The following CCT4 variants were observed in gnomAD, a reference collection of about 807,000 sequenced individuals.
The protein encoded by CCT4 is chaperonin containing TCP1 subunit 4.
A neutral mutation model predicts 62.5 loss-of-function variants in CCT4; 17 were observed. That is an observed-to-expected ratio of 0.27 (90% CI 0.19 to 0.41). The LOEUF (loss-of-function observed/expected upper bound fraction) is 0.41, where lower values mean the gene tolerates loss of function less well. CCT4 is among the 10% of genes least tolerant of loss of function. The pLI, the probability that CCT4 is intolerant of heterozygous loss-of-function variation, is 1.00. For synonymous variants in CCT4, 250 were observed against 229.9 expected (o/e 1.09, Z -0.79); for missense variants, 592 against 659.2 (o/e 0.90, Z 1.12).
intron 7 of CCT4, 86 bp downstream of exon 7, chr2:61,876,834 G>A: frequency 9.0e-7 from 1 of 1,117,040 alleles, no homozygotes; most frequent in Non-Finnish European, 1.3e-6. Context: ...TAAATCACTA[G>A]TAGTATTTTC....
In CCT4 at chr2:61,868,607, C is replaced by T. The variant is rs1668822268; in HGVS notation, c.*85G>A. The T allele has an allele frequency of 9.6e-7, 1 of 1,046,418 alleles. No homozygotes were observed. Among genetic ancestry groups the T allele is most frequent in the Non-Finnish European group, 1.5e-6 (1 of 676,750 alleles). The allele number at this position is 1,046,418 out of a possible 1,614,324, so 64.8% of individuals were successfully genotyped here. A position where few individuals can be genotyped will look rare whatever the true frequency, so the allele number is the denominator to read the frequency against. On this transcript the variant is annotated 3_prime_UTR_variant, in exon 14 of 14. Transcript: ENST00000394440. ...AGCCCAGAAATTCAGAGGAAATAAT[C>T]TTCCAAACAAGGAACACCAAGGTGA... is the stretch of plus-strand genomic sequence containing the variant.
chr2:61,879,568 G>A (rs923649865), intron 4 of CCT4, among the ~76,000 whole-genome samples: 8 of 150,452 alleles, frequency 5.3e-5, no homozygotes, highest in East Asian at 2.0e-4. Flanking sequence ...ATGAGTCACC[G>A]CACCTGGCCG....
At chr2:61,869,413 G>A (rs764803209) in intron 13 of CCT4, 27 bp downstream of exon 13, 2 of 1,341,874 alleles carry the variant, frequency 1.5e-6, no homozygotes, top group Non-Finnish European at 2.1e-6. Context: ...GACCTCCTAA[G>A]AAAATTTGCA....
Position 61,872,581 on chromosome 2 carries a change from C to A in CCT4, c.1133G>T (p.Gly378Val). The A allele has an allele frequency of 5.0e-6, 8 of 1,613,116 alleles. No homozygotes were observed. The highest frequency in any genetic ancestry group is 6.8e-6 in the Non-Finnish European group (8 of 1,179,788). The part of the protein sequence containing the change: ...NGSGKLLKIT[G>V]CASPGKTVTI... ...AACTGTTTTTCCAGGGCTGGCACAGCCTGTAATCTTCAGTAAACAAATTCC... is the reference window on the plus strand; with the variant it reads ...AACTGTTTTTCCAGGGCTGGCACAGACTGTAATCTTCAGTAAACAAATTCC... The change falls in exon 11 of 14, where the codon GGC becomes GTC. Residue 378 changes from glycine (G) to valine (V), a missense_variant. Transcript: ENST00000394440.
At chr2:61,873,704 T>G (rs960628918) in intron 8 of CCT4, among the ~76,000 whole-genome samples, 1 of 152,158 alleles carries the variant, frequency 6.6e-6, no homozygotes, top group African/African-American at 2.4e-5. Context: ...TGGCTGAGAC[T>G]ACACGCTCCC....
Position 61,876,864 on chromosome 2 carries a change from C to T in CCT4, c.777+56G>A, listed in dbSNP as rs1264501600. The stretch of plus-strand genomic sequence containing the variant: ...ATTTTCTATTTTTAATAAAGAAATG[C>T]CTGAGTTATTAAAAAGTTAAACACA... On this transcript the variant is annotated intron_variant, in intron 7 of 13. Coordinates refer to ENST00000394440, the MANE Select transcript of CCT4 (RefSeq NM_006430.4). The T allele has an allele frequency of 2.8e-6, 4 of 1,414,442 alleles. No individual in the cohort carries two copies. In the Admixed American group the frequency reaches 6.6e-5, roughly 23 times the overall value. The allele number at this position is 1,414,442 out of a possible 1,614,324, so 87.6% of individuals were successfully genotyped here. A position where few individuals can be genotyped will look rare whatever the true frequency, so the allele number is the denominator to read the frequency against.
chr2:61,887,448 G>A (rs772461401), intron 1 of CCT4, among the ~76,000 whole-genome samples: 4 of 152,134 alleles, frequency 2.6e-5, no homozygotes, highest in Non-Finnish European at 5.9e-5. Flanking sequence ...CAGGACACCA[G>A]GCCTTTAACA....
At chr2:61,877,148 AT>A (rs1266280487) in intron 6 of CCT4, 96 bp from the exon 7 acceptor site, 2 of 1,151,864 alleles carry the variant, frequency 1.7e-6, no homozygotes, top group Non-Finnish European at 2.5e-6. Flanking sequence ...GTCCAATAAA[AT>A]ATGATTCAGC....
At chr2:61,886,626 C>T (rs1232918882) in intron 1 of CCT4, among the ~76,000 whole-genome samples, 1 of 152,182 alleles carries the variant, frequency 6.6e-6, no homozygotes. Context: ...ACTTAGGTGG[C>T]CTTTCCTTCC....
rs1216181852 is a variant in CCT4, at chr2:61,883,773, G to GACAGACACACAC, written c.181-226_181-225insGTGTGTGTCTGT. On this transcript the variant is annotated intron_variant, in intron 2 of 13. Coordinates refer to ENST00000394440, the MANE Select transcript of CCT4 (RefSeq NM_006430.4). ...GGTAATCTAAAAGTGAAGAAATGTA[G>GACAGACACACAC]ACACACACACACACACACACACACA... Among the ~76,000 whole-genome samples the GACAGACACACAC allele has an allele frequency of 1.3e-3, 188 of 143,924 alleles. 1 individual carries two copies. Among genetic ancestry groups the GACAGACACACAC allele is most frequent in the East Asian group, 8.0e-3 (38 of 4,746 alleles). 94.4% of individuals were successfully genotyped at this position (143,924 alleles called of 152,430 possible).
chr2:61,871,544 C>T (rs1269387268), intron 12 of CCT4, among the ~76,000 whole-genome samples: 3 of 152,180 alleles, frequency 2.0e-5, no homozygotes, highest in Admixed American at 6.5e-5. Flanking sequence ...CATCATTTGG[C>T]GTTCTGTACC....
At chr2:61,869,353 A>G (rs1181531453) in intron 13 of CCT4, 87 bp downstream of exon 13, 1 of 765,226 alleles carries the variant, frequency 1.3e-6, no homozygotes, top group Non-Finnish European at 2.3e-6. Flanking sequence ...CCAACCAACC[A>G]ACCAAACAAC....
Position 61,878,864 on chromosome 2 carries a change from C to A in CCT4, c.522+5G>T. ...TTGACAAGTATCCGTTAGTGTTTGT[C>A]TCACCTTTGAGTTCAGTGAAGTGGT... On this transcript the variant is annotated splice_donor_5th_base_variant and intron_variant, in intron 5 of 13. Coordinates refer to ENST00000394440, the MANE Select transcript of CCT4 (RefSeq NM_006430.4). 3.1e-6 allele frequency: 5 copies of A among 1,600,630 alleles called. No individual in the cohort carries two copies. Among genetic ancestry groups the A allele is most frequent in the Non-Finnish European group, 3.4e-6 (4 of 1,173,002 alleles).
chr2:61,881,089 T>C, intron 3 of CCT4, among the ~76,000 whole-genome samples: 1 of 152,128 alleles, frequency 6.6e-6, no homozygotes, highest in Non-Finnish European at 1.5e-5. Context: ...AAGTATAACC[T>C]GATTCATTAA....
At position 61,877,415 on chromosome 2, in the gene CCT4, T is replaced by C. The variant is rs1669024677; in HGVS notation, c.622A>G (p.Ile208Val). The C allele has an allele frequency of 6.5e-7, 1 of 1,540,508 alleles. No individual in the cohort carries two copies. The highest frequency in any genetic ancestry group is 2.4e-5 in the East Asian group (1 of 42,174). The change falls in exon 6 of 14, where the codon ATT (isoleucine) becomes GTT (valine). Residue 208 changes from isoleucine (I) to valine (V), a missense_variant. This residue lies in a region of CCT4 where 522 missense variants were observed against 571.2 expected (regional missense o/e 0.91). Coordinates refer to ENST00000394440, the MANE Select transcript of CCT4 (RefSeq NM_006430.4). The stretch of plus-strand genomic sequence containing the variant: ...TACCCAAGCTTCTTAACTATTTTAA[T>C]ATCTCTAAGATCTACACTGGTGGCT... Reference protein sequence around the residue: ...ATATSVDLRDIKIVKKLGGTI... With the variant: ...ATATSVDLRDVKIVKKLGGTI...
chr2:61,888,611 T>C lies in CCT4; in HGVS notation c.-104A>G, dbSNP rs1669321392. The C allele has an allele frequency of 1.5e-6, 2 of 1,364,146 alleles. No individual in the cohort carries two copies. Among genetic ancestry groups the C allele is most frequent in the Middle Eastern group, 2.6e-4 (1 of 3,820 alleles). The allele number at this position is 1,364,146 out of a possible 1,614,324, so 84.5% of individuals were successfully genotyped here. A position where few individuals can be genotyped will look rare whatever the true frequency, so the allele number is the denominator to read the frequency against. On this transcript the variant is annotated 5_prime_UTR_variant, in exon 1 of 14. Transcript: ENST00000394440. ...TAAGCCCTCACTGCCTTCACGAACC[T>C]TCCAGAAAGCGGCGCCGGCGTCGGG...
intron 3 of CCT4, among the ~76,000 whole-genome samples, chr2:61,882,574 G>A (rs906729599): frequency 4.6e-5 from 7 of 151,546 alleles, no homozygotes; most frequent in Non-Finnish European, 7.4e-5. Context: ...GGAGTGCAGT[G>A]GCGCAATCAC....
intron 5 of CCT4, among the ~76,000 whole-genome samples, chr2:61,878,638 T>C (rs1669048627): frequency 6.6e-6 from 1 of 152,196 alleles, no homozygotes; most frequent in Non-Finnish European, 1.5e-5. Context: ...ACTGTTACAA[T>C]GCATTAAACA....
intron 12 of CCT4, 75 bp from the exon 13 acceptor site, chr2:61,869,628 T>C: frequency 1.3e-6 from 1 of 790,938 alleles, no homozygotes; most frequent in Non-Finnish European, 2.3e-6. Context: ...GTTACCAGTG[T>C]ACCTCAAGAC....
Sources: allele counts gnomAD v4.1 joint callset (sites outside exome capture counted in the v4.1 genomes callset), GRCh38; gene constraint gnomAD v4.1.1; regional missense constraint gnomAD v4.1.1; transcripts MANE v1.5; gene names NCBI Gene and HGNC (gene_info 2026-07-23, HGNC 2026-07-21).